The following PTPN9 variants were observed in gnomAD, a reference collection of about 807,000 sequenced individuals.
PTPN9 encodes protein tyrosine phosphatase non-receptor type 9, also known as tyrosine-protein phosphatase non-receptor type 9.
A neutral mutation model predicts 69.8 loss-of-function variants in PTPN9; 26 were observed. The ratio of observed to expected loss-of-function variants is 0.37; its 90% CI spans 0.27 to 0.52. The LOEUF (loss-of-function observed/expected upper bound fraction) is 0.52. Ranked by LOEUF, PTPN9 falls within the 20% of genes least tolerant of loss-of-function variation. The probability of loss-of-function intolerance (pLI) is 0.91; values close to 1 mark genes in which losing one functional copy is unlikely to be tolerated. For synonymous variants in PTPN9, 274 were observed against 272.5 expected (o/e 1.01, Z -0.05); for missense variants, 549 against 740.3 (o/e 0.74, Z 3.00).
At chr15:75,490,144 C>T in intron 8 of PTPN9, 64 bp downstream of exon 8, 1 of 1,277,704 alleles carries the variant, frequency 7.8e-7, no homozygotes, top group South Asian at 1.2e-5. Flanking sequence ...TATTAGTAAG[C>T]TTCACTTTGG....
intron 1 of PTPN9, among the ~76,000 whole-genome samples, chr15:75,556,369 T>C (rs568311187): frequency 2.0e-5 from 3 of 150,930 alleles, no homozygotes; most frequent in Non-Finnish European, 4.4e-5. Flanking sequence ...GCCTTTTTTT[T>C]AATTATTATT....
chr15:75,505,566 A>T (rs2074814622), intron 7 of PTPN9, 109 bp downstream of exon 7: 5 of 757,380 alleles, frequency 6.6e-6, no homozygotes, highest in Non-Finnish European at 6.6e-6. Flanking sequence ...ATGTTCCCTA[A>T]CATAAGGAAG....
chr15:75,519,679 C>T (rs369007555), intron 4 of PTPN9, among the ~76,000 whole-genome samples: 19 of 151,122 alleles, frequency 1.3e-4, no homozygotes, highest in Admixed American at 9.2e-4. Context: ...ATTATGTTGC[C>T]CAGGCTGGTC....
At chr15:75,545,441 CAAAAT>C (rs1380427056) in intron 1 of PTPN9, among the ~76,000 whole-genome samples, 2 of 151,600 alleles carry the variant, frequency 1.3e-5, no homozygotes, top group African/African-American at 2.4e-5. Context: ...CAAAACAAAA[CAAAAT>C]AAAATAAAGT....
Position 75,464,635 on chromosome 15 carries a change from C to T in PTPN9, c.*4134G>A, listed in dbSNP as rs1189007548. The T allele has an allele frequency of 6.6e-6, 1 of 152,116 alleles. No individual in the cohort carries two copies. The highest frequency in any genetic ancestry group is 1.5e-5 in the Non-Finnish European group (1 of 68,022). The allele number at this position is 152,116 out of a possible 1,614,324, so 9.4% of individuals were successfully genotyped here. On this transcript the variant is annotated 3_prime_UTR_variant, in exon 13 of 13. Transcript: ENST00000618819. The stretch of plus-strand genomic sequence containing the variant: ...AAAACCACAAAAGAGCTGGGTCACT[C>T]TAGAGAAGCTTTTCTACTTGGCCAA...
At chr15:75,574,507 G>T (rs2075162711) in intron 1 of PTPN9, among the ~76,000 whole-genome samples, 1 of 152,160 alleles carries the variant, frequency 6.6e-6, no homozygotes, top group African/African-American at 2.4e-5. Context: ...GGAAGCCAAT[G>T]AATTCAAGAG....
At chr15:75,578,669 C>A in intron 1 of PTPN9, 45 bp downstream of exon 1, 2 of 1,319,942 alleles carry the variant, frequency 1.5e-6, no homozygotes, top group Non-Finnish European at 1.9e-6. Context: ...GCGTAGGCCT[C>A]GGGGGCCCGG....
intron 1 of PTPN9, among the ~76,000 whole-genome samples, chr15:75,566,394 G>GT (rs1314177052): frequency 1.3e-5 from 2 of 152,304 alleles, no homozygotes; most frequent in South Asian, 4.1e-4. Context: ...TAAAAGAAAC[G>GT]TAAGTGGCGG....
At chr15:75,537,473 G>C (rs1291253232) in intron 1 of PTPN9, among the ~76,000 whole-genome samples, 1 of 56,400 alleles carries the variant, frequency 1.8e-5, no homozygotes, top group Admixed American at 2.0e-4. Flanking sequence ...AAAAAAAAAG[G>C]CCAGGCTCGG....
intron 8 of PTPN9, among the ~76,000 whole-genome samples, chr15:75,489,572 G>A (rs1160046303): frequency 6.6e-6 from 1 of 151,734 alleles, no homozygotes. Flanking sequence ...AATAAAGCAA[G>A]ACCTTGTCTT....
chr15:75,517,547 G>A (rs1262437881), intron 4 of PTPN9, among the ~76,000 whole-genome samples, 183 bp from the exon 5 acceptor site: 1 of 152,104 alleles, frequency 6.6e-6, no homozygotes, highest in Non-Finnish European at 1.5e-5. Context: ...GTTTATTAAG[G>A]CAGATTTATC....
chr15:75,510,789 T>A (rs545734779), intron 5 of PTPN9, among the ~76,000 whole-genome samples: 1 of 152,294 alleles, frequency 6.6e-6, no homozygotes, highest in South Asian at 2.1e-4. Context: ...ATGTTCACAA[T>A]GCAGCCATCA....
intron 1 of PTPN9, among the ~76,000 whole-genome samples, chr15:75,529,773 G>T (rs1404556426): frequency 2.0e-5 from 3 of 151,994 alleles, no homozygotes; most frequent in African/African-American, 7.2e-5. Flanking sequence ...AGCCAGGCAT[G>T]GTGGTGCATG....
At chr15:75,508,542 A>G (rs1012281322) in intron 6 of PTPN9, among the ~76,000 whole-genome samples, 11 of 152,358 alleles carry the variant, frequency 7.2e-5, no homozygotes, top group African/African-American at 2.4e-4. Flanking sequence ...CAGTTCAACT[A>G]ATGCAGTTAT....
At chr15:75,523,373 C>T (rs1203799790) in intron 3 of PTPN9, 128 bp from the exon 4 acceptor site, 21 of 1,048,992 alleles carry the variant, frequency 2.0e-5, no homozygotes, top group Non-Finnish European at 1.8e-5. Context: ...TCCCTGACTT[C>T]ACCAATTGCT....
intron 1 of PTPN9, among the ~76,000 whole-genome samples, chr15:75,569,003 G>C (rs1056525045): frequency 3.9e-5 from 6 of 152,170 alleles, no homozygotes; most frequent in Non-Finnish European, 7.3e-5. Context: ...CCTTATTCTA[G>C]AAGAATAGGA....
At chr15:75,568,547 A>C (rs1325413994) in intron 1 of PTPN9, among the ~76,000 whole-genome samples, 1 of 149,624 alleles carries the variant, frequency 6.7e-6, no homozygotes, top group East Asian at 2.0e-4. Context: ...AAAACAACCT[A>C]ATGCTGGATG....
chr15:75,566,188 T>G (rs1218906922), intron 1 of PTPN9, among the ~76,000 whole-genome samples: 1 of 149,446 alleles, frequency 6.7e-6, no homozygotes, highest in African/African-American at 2.5e-5. Context: ...CAAAGGAAGC[T>G]GAGGGATTCC....
intron 7 of PTPN9, 57 bp downstream of exon 7, chr15:75,505,618 A>C: frequency 4.3e-6 from 6 of 1,393,854 alleles, no homozygotes; most frequent in Non-Finnish European, 6.0e-6. Context: ...AGCTGTTGCC[A>C]GAGCCTACCA....
Sources: gnomAD v4.1 joint callset for allele counts (sites outside exome capture counted in the v4.1 genomes callset) on GRCh38, gnomAD v4.1.1 for gene constraint, MANE v1.5 for transcripts, NCBI Gene and HGNC (gene_info 2026-07-23, HGNC 2026-07-21) for gene names.